TENM3: variants seen among roughly 807,000 people sequenced by gnomAD.
TENM3 encodes teneurin transmembrane protein 3.
TENM3 carries 63 observed loss-of-function variants against 255.1 expected under a neutral mutation model. The ratio of observed to expected loss-of-function variants is 0.25; its 90% CI spans 0.20 to 0.30. The LOEUF is 0.30. Among genes scored for constraint, TENM3 ranks in the 10% least tolerant of loss-of-function variants. The pLI is 1.00. For missense variants in TENM3, 2,929 were observed against 3,461.1 expected (o/e 0.85, Z 3.86); for synonymous variants, 1,306 against 1,322.3 (o/e 0.99, Z 0.27).
chr4:182,637,115 G>T (rs556038663), intron 5 of TENM3, among the ~76,000 whole-genome samples: 3 of 152,124 alleles, frequency 2.0e-5, no homozygotes, highest in Admixed American at 6.5e-5. Flanking sequence ...AAAAGTAAAT[G>T]GCATAAATAA....
the TENM3 span, among the ~76,000 whole-genome samples, chr4:181,899,360 G>T: frequency 6.6e-6 from 1 of 151,808 alleles, no homozygotes; most frequent in African/African-American, 2.4e-5. Context: ...GTTTTTATTT[G>T]CTTATAAATT....
At chr4:181,954,351 G>C in the TENM3 span, among the ~76,000 whole-genome samples, 47,408 of 151,718 alleles carry the variant, frequency 0.31, 7,641 homozygotes, top group African/African-American at 0.38. Flanking sequence ...CTGGAAAACT[G>C]TTTTACAAAG....
At chr4:182,669,678 T>A (rs1215070958) in intron 6 of TENM3, among the ~76,000 whole-genome samples, 1 of 152,202 alleles carries the variant, frequency 6.6e-6, no homozygotes, top group Non-Finnish European at 1.5e-5. Context: ...AGTGACTTAA[T>A]ATATCTGATT....
intron 3 of TENM3, among the ~76,000 whole-genome samples, chr4:182,421,569 C>G (rs1770835228): frequency 6.6e-6 from 1 of 152,152 alleles, no homozygotes; most frequent in Non-Finnish European, 1.5e-5. Context: ...TGTTTAGCCT[C>G]TGGTCATAAC....
the TENM3 span, among the ~76,000 whole-genome samples, chr4:181,453,271 G>A: frequency 6.6e-6 from 1 of 152,158 alleles, no homozygotes; most frequent in Admixed American, 6.5e-5. Flanking sequence ...TGATGGAGTC[G>A]AATAATAGGC....
intron 11 of TENM3, among the ~76,000 whole-genome samples, chr4:182,685,509 CTATTCATAAAATATATTTTG>C (rs1365533486): frequency 2.0e-5 from 3 of 151,970 alleles, no homozygotes; most frequent in Non-Finnish European, 4.4e-5. Flanking sequence ...GTTTTGTCCG[CTATTCATAAAATATATTTTG>C]TAATTACATA....
intron 1 of TENM3, among the ~76,000 whole-genome samples, chr4:182,258,030 A>G (rs1758536957): frequency 6.6e-6 from 1 of 152,186 alleles, no homozygotes; most frequent in Non-Finnish European, 1.5e-5. Context: ...GTATAAATGT[A>G]TAAAGAATAA....
In TENM3 at chr4:182,324,185, G is replaced by A. The variant is rs1416349244; in HGVS notation, c.165G>A (p.Ser55=). 1.9e-6 allele frequency: 3 copies of A among 1,613,864 alleles called. No homozygotes were observed. Among genetic ancestry groups the A allele is most frequent in the African/African-American group, 2.7e-5 (2 of 74,924 alleles). Residue 55 remains serine, a synonymous_variant, in exon 2 of 28, where the codon TCG becomes TCA. Transcript: ENST00000511685. ...ETLKAFDHDS[S]RLLYGNRVKD... ...TGAAAGCTTTTGATCATGATTCCTC[G>A]CGGCTGCTTTACGGCAACAGAGTGA...
At chr4:181,497,767 A>T in the TENM3 span, among the ~76,000 whole-genome samples, 8 of 152,174 alleles carry the variant, frequency 5.3e-5, no homozygotes, top group Admixed American at 5.2e-4. Flanking sequence ...CCCGCAAACT[A>T]CTTCCCCACT....
chr4:182,266,468 G>A (rs1759251053), intron 1 of TENM3, among the ~76,000 whole-genome samples: 1 of 152,074 alleles, frequency 6.6e-6, no homozygotes, highest in Non-Finnish European at 1.5e-5. Context: ...ATTCAACATT[G>A]GAATAGAAGC....
At chr4:182,037,389 C>A in the TENM3 span, among the ~76,000 whole-genome samples, 3 of 152,144 alleles carry the variant, frequency 2.0e-5, no homozygotes, top group African/African-American at 7.2e-5. Flanking sequence ...CTCAAGTGAT[C>A]CACCCGCTTC....
intron 11 of TENM3, among the ~76,000 whole-genome samples, chr4:182,683,913 C>A (rs1756369119): frequency 6.6e-6 from 1 of 151,124 alleles, no homozygotes; most frequent in Non-Finnish European, 1.5e-5. Context: ...ACAGGACCTG[C>A]TGAAAAAAAC....
At chr4:181,852,929 GAT>G in the TENM3 span, among the ~76,000 whole-genome samples, 1 of 152,152 alleles carries the variant, frequency 6.6e-6, no homozygotes, top group Non-Finnish European at 1.5e-5. Flanking sequence ...TGGTTAAAGT[GAT>G]AAACGTTATG....
At chr4:181,773,569 A>G in the TENM3 span, among the ~76,000 whole-genome samples, 1 of 152,216 alleles carries the variant, frequency 6.6e-6, no homozygotes. Flanking sequence ...GAATATTGAG[A>G]TGAAAACTCC....
At chr4:182,620,649 A>G (rs1750032764) in intron 4 of TENM3, among the ~76,000 whole-genome samples, 1 of 152,240 alleles carries the variant, frequency 6.6e-6, no homozygotes, top group Non-Finnish European at 1.5e-5. Flanking sequence ...ATCAGTTTAA[A>G]CAATCTTTAC....
intron 1 of TENM3, among the ~76,000 whole-genome samples, chr4:182,207,785 G>A (rs1754686690): frequency 6.6e-6 from 1 of 152,176 alleles, no homozygotes; most frequent in Non-Finnish European, 1.5e-5. Context: ...CTGGAAAACA[G>A]GAATTTATTA....
the TENM3 span, among the ~76,000 whole-genome samples, chr4:181,580,827 C>T: frequency 6.6e-6 from 1 of 152,166 alleles, no homozygotes; most frequent in Non-Finnish European, 1.5e-5. Flanking sequence ...TAGATTCCTA[C>T]TGAAGTTGGT....
At chr4:182,669,990 G>A (rs1755063581) in intron 6 of TENM3, among the ~76,000 whole-genome samples, 1 of 152,122 alleles carries the variant, frequency 6.6e-6, no homozygotes, top group African/African-American at 2.4e-5. Context: ...GCTCCTTCAT[G>A]ACAAATGTAG....
At chr4:182,105,805 C>T in the TENM3 span, among the ~76,000 whole-genome samples, 1 of 152,184 alleles carries the variant, frequency 6.6e-6, no homozygotes, top group Non-Finnish European at 1.5e-5. Flanking sequence ...TGACTCAAAG[C>T]TCCCATCCTT....
Sources: gnomAD v4.1 joint callset for allele counts (sites outside exome capture counted in the v4.1 genomes callset) on GRCh38, gnomAD v4.1.1 for gene constraint, MANE v1.5 for transcripts, NCBI Gene and HGNC (gene_info 2026-07-23, HGNC 2026-07-21) for gene names.